Variants in CD82 observed in about 807,000 individuals in gnomAD.
CD82 encodes CD82 molecule, also known as CD82 antigen.
Under a neutral mutation model 37.4 loss-of-function variants are expected in CD82, and 36 were observed. The ratio of observed to expected loss-of-function variants is 0.96; its 90% CI spans 0.74 to 1.27. The LOEUF (loss-of-function observed/expected upper bound fraction) is 1.27. Ranked by LOEUF, CD82 falls within the 50% of genes most tolerant of loss-of-function variation. CD82 has a pLI of 0.00. For missense variants in CD82, 340 were observed against 347.0 expected (o/e 0.98, Z 0.16); for synonymous variants, 158 against 137.4 (o/e 1.15, Z -1.05).
rs146265687 is a variant in CD82 at position 44,595,091 on chromosome 11, C to G, written c.63+366C>G. The stretch of plus-strand genomic sequence containing the variant: ...ATCTCTCTAGTCCTGTCCTGGCCCC[C>G]ACCCTGCCCATGTGAAGAATTGACC... On this transcript the variant is annotated intron_variant, in intron 3 of 9. Transcript: ENST00000227155. 5 of 251,364 alleles carry G rather than the reference C, an allele frequency of 2.0e-5. No individual in the cohort carries two copies. The South Asian group carries it at 2.8e-4, about 14-fold the overall frequency. 15.6% of individuals were successfully genotyped at this position (251,364 alleles called of 1,614,324 possible). A position where few individuals can be genotyped will look rare whatever the true frequency, so the allele number is the denominator to read the frequency against.
At chr11:44,577,808 G>C (rs922389533) in intron 1 of CD82, among the ~76,000 whole-genome samples, 2 of 152,104 alleles carry the variant, frequency 1.3e-5, no homozygotes, top group Non-Finnish European at 2.9e-5. Context: ...GCTATGTTCT[G>C]CCTCCACCTA....
intron 1 of CD82, among the ~76,000 whole-genome samples, chr11:44,576,000 A>G (rs1208092419): frequency 6.6e-6 from 1 of 152,138 alleles, no homozygotes; most frequent in South Asian, 2.1e-4. Flanking sequence ...TTCCCTGAAC[A>G]CTGCACCGGC....
At chr11:44,573,155 A>C (rs1168052695) in intron 1 of CD82, 1 of 152,264 alleles carries the variant, frequency 6.6e-6, no homozygotes, top group Non-Finnish European at 1.5e-5. Context: ...TCCCTGGCAG[A>C]GGTCCCTCCA....
chr11:44,600,747 C>T (rs1213410684), intron 4 of CD82, among the ~76,000 whole-genome samples: 1 of 152,200 alleles, frequency 6.6e-6, no homozygotes, highest in Non-Finnish European at 1.5e-5. Flanking sequence ...CCTCATGTGC[C>T]AGGCAGTTTG....
intron 1 of CD82, among the ~76,000 whole-genome samples, chr11:44,579,331 C>T (rs1852946819): frequency 6.6e-6 from 1 of 151,894 alleles, no homozygotes. Context: ...TCTGGGGTGG[C>T]CCCAGAGCAG....
chr11:44,574,201 T>A (rs982559844), intron 1 of CD82, among the ~76,000 whole-genome samples: 1 of 152,156 alleles, frequency 6.6e-6, no homozygotes, highest in Admixed American at 6.5e-5. Flanking sequence ...AGTTGAGGGC[T>A]TACGTCTAGA....
chr11:44,596,723 G>A, intron 3 of CD82: 1 of 366,148 alleles, frequency 2.7e-6, no homozygotes, highest in Non-Finnish European at 5.4e-6. Flanking sequence ...GAGAGTGAAA[G>A]AGGAGGGCTG....
intron 1 of CD82, among the ~76,000 whole-genome samples, chr11:44,578,469 A>G (rs1852932101): frequency 6.6e-6 from 1 of 151,870 alleles, no homozygotes. Context: ...CTGTACATCT[A>G]TACACCCCCC....
At chr11:44,589,640 C>T (rs1412060319) in intron 2 of CD82, among the ~76,000 whole-genome samples, 3 of 152,204 alleles carry the variant, frequency 2.0e-5, no homozygotes, top group South Asian at 2.1e-4. Flanking sequence ...TTGGGAGTTC[C>T]ACTCCCCAAG....
In CD82 at chr11:44,597,805, C is replaced by T. The variant is rs1053355203; in HGVS notation, c.64-2353C>T. 1.3e-5 allele frequency among the ~76,000 whole-genome samples: 2 copies of T among 151,914 alleles called. No individual in the cohort carries two copies. Among genetic ancestry groups the T allele is most frequent in the South Asian group, 2.1e-4 (1 of 4,802 alleles). On this transcript the variant is annotated intron_variant, in intron 3 of 9. Transcript: ENST00000227155. The surrounding 1 kb of genome is among the most constrained non-coding windows in gnomAD (Gnocchi z 4.1). The stretch of plus-strand genomic sequence containing the variant: ...GCAGACGTGGGCCTGAGCACTGGCC[C>T]CTGCCTCGCTGTGCTGTGGGGTGGT...
intron 1 of CD82, among the ~76,000 whole-genome samples, chr11:44,580,558 C>T (rs1852965733): frequency 6.6e-6 from 1 of 152,080 alleles, no homozygotes; most frequent in Non-Finnish European, 1.5e-5. Context: ...ATTAAAAATA[C>T]AAAAATTAGC....
chr11:44,582,209 T>A (rs746787414), intron 1 of CD82, among the ~76,000 whole-genome samples: 2 of 152,078 alleles, frequency 1.3e-5, no homozygotes, highest in Non-Finnish European at 2.9e-5. Flanking sequence ...CTGAATGAGA[T>A]AAGATCAGTG....
At chr11:44,618,132 C>T in intron 7 of CD82, 30 bp from the exon 8 acceptor site, 1 of 1,606,082 alleles carries the variant, frequency 6.2e-7, no homozygotes, top group South Asian at 1.1e-5. Context: ...GAGCCGTGAG[C>T]ACAAGCAGTC....
intron 2 of CD82, among the ~76,000 whole-genome samples, chr11:44,588,410 G>T (rs1002429325): frequency 6.6e-6 from 1 of 152,106 alleles, no homozygotes; most frequent in African/African-American, 2.4e-5. Context: ...TTTTAATAGA[G>T]ATGGGGTTTC....
intron 6 of CD82, among the ~76,000 whole-genome samples, chr11:44,611,168 G>T (rs1226723273): frequency 2.0e-5 from 3 of 152,202 alleles, no homozygotes; most frequent in Non-Finnish European, 4.4e-5. Context: ...AAGGGGCCCT[G>T]CATTTTTGCT....
chr11:44,594,582 G>A lies in CD82; in HGVS notation c.-20-61G>A, dbSNP rs541758865. 161 of 1,037,536 alleles carry A rather than the reference G, an allele frequency of 1.6e-4. No homozygotes were observed. In the South Asian group the frequency reaches 2.0e-3, roughly 13 times the overall value. The allele number at this position is 1,037,536 out of a possible 1,614,324, so 64.3% of individuals were successfully genotyped here. On this transcript the variant is annotated intron_variant, in intron 2 of 9. Coordinates refer to ENST00000227155, the MANE Select transcript of CD82 (RefSeq NM_002231.4). Reference sequence around the variant, plus strand: ...ACAGGGTTAGTACCCACCTCCTGGGGTTGCTGCAAGGGCAGACTGAGCTGA... The same window carrying A: ...ACAGGGTTAGTACCCACCTCCTGGGATTGCTGCAAGGGCAGACTGAGCTGA...
At chr11:44,590,423 A>C (rs1282131628) in intron 2 of CD82, among the ~76,000 whole-genome samples, 1 of 151,524 alleles carries the variant, frequency 6.6e-6, no homozygotes, top group African/African-American at 2.4e-5. Context: ...CCTGGCTAAC[A>C]CAGTGAAACC....
chr11:44,616,272 C>T (rs544956388), intron 7 of CD82, among the ~76,000 whole-genome samples: 22 of 152,148 alleles, frequency 1.4e-4, no homozygotes, highest in African/African-American at 2.2e-4. Flanking sequence ...AAGGGGAGAG[C>T]GATGTTTTCT....
intron 3 of CD82, among the ~76,000 whole-genome samples, chr11:44,596,555 C>T (rs1337945078): frequency 6.6e-5 from 10 of 152,316 alleles, no homozygotes; most frequent in Admixed American, 3.9e-4. Flanking sequence ...CCCTGTGGAA[C>T]CAGGGACTGG....
Sources: gnomAD v4.1 joint callset for allele counts (sites outside exome capture counted in the v4.1 genomes callset) on GRCh38, gnomAD v4.1.1 for gene constraint, Gnocchi (gnomAD v3.1) non-coding constraint, MANE v1.5 for transcripts, NCBI Gene and HGNC (gene_info 2026-07-23, HGNC 2026-07-21) for gene names.